PHC2: variants seen among roughly 807,000 people sequenced by gnomAD.
The protein encoded by PHC2 is polyhomeotic-like protein 2.
PHC2 carries 29 observed loss-of-function variants against 87.4 expected under a neutral mutation model. The observed-to-expected ratio is 0.33, with a 90% CI of 0.25 to 0.45. PHC2 has a LOEUF of 0.45. Ranked by LOEUF, PHC2 falls within the 20% of genes least tolerant of loss-of-function variation. PHC2 has a pLI of 1.00. For missense variants in PHC2, 857 were observed against 1,136.7 expected, an observed-to-expected ratio of 0.75 and a Z score of 3.54; for synonymous variants, 438 against 461.7, an observed-to-expected ratio of 0.95 and a Z score of 0.66.
At chr1:33,375,760 TG>T (rs1648144463) in intron 1 of PHC2, among the ~76,000 whole-genome samples, 167 bp from the exon 2 acceptor site, 1 of 152,246 alleles carries the variant, frequency 6.6e-6, no homozygotes, top group Non-Finnish European at 1.5e-5. Context: ...AAACTTTTTT[TG>T]TGTCATTATT....
In PHC2 at chr1:33,369,286, A is replaced by G. The variant is rs565380832; in HGVS notation, c.577-664T>C. On this transcript the variant is annotated intron_variant, in intron 5 of 14. Transcript: ENST00000683057. This position sits in a 1 kb window ranked among gnomAD's most constrained non-coding sequence, Gnocchi z 4.7. ...GACCTCCGTGGGAGTCTAGCTCTGC[A>G]TCAGTGTGGATGTGCTGGTGCCTTG... is the stretch of plus-strand genomic sequence containing the variant. Among the ~76,000 whole-genome samples the G allele has an allele frequency of 6.6e-6, 1 of 152,324 alleles. No individual in the cohort carries two copies. Among genetic ancestry groups the G allele is most frequent in the South Asian group, 2.1e-4 (1 of 4,830 alleles).
At chr1:33,376,379 A>G (rs920244621) in intron 1 of PHC2, among the ~76,000 whole-genome samples, 2 of 152,232 alleles carry the variant, frequency 1.3e-5, no homozygotes, top group Admixed American at 6.5e-5. Context: ...TCAGAAGGAC[A>G]GGGCAGACTT....
intron 1 of PHC2, among the ~76,000 whole-genome samples, chr1:33,389,088 A>G (rs1487538036): frequency 1.3e-5 from 2 of 151,240 alleles, no homozygotes; most frequent in Non-Finnish European, 2.9e-5. Context: ...AAGAAAGAAA[A>G]AAAACCCCCT....
intron 1 of PHC2, among the ~76,000 whole-genome samples, chr1:33,428,933 G>A (rs577031730): frequency 8.1e-4 from 124 of 152,282 alleles, no homozygotes; most frequent in South Asian, 1.9e-3. Context: ...CTCAATCCTG[G>A]ACTACTTGCC....
In PHC2 at chr1:33,349,318, G is replaced by A; in HGVS notation, c.1558+5083C>T. On this transcript the variant is annotated intron_variant, in intron 9 of 14. Transcript: ENST00000683057. This position sits in a 1 kb window ranked among gnomAD's most constrained non-coding sequence, Gnocchi z 4.2. ...GGGAGGCCGGTCCTAGGTTGGGGCT[G>A]GGGTGGGGTGTGCGGGGCCTGGGGA... 1 of 985,070 alleles carries A rather than the reference G, an allele frequency of 1.0e-6. No homozygotes were observed. Among genetic ancestry groups the A allele is most frequent in the Non-Finnish European group, 1.2e-6 (1 of 829,804 alleles). 61.0% of individuals were successfully genotyped at this position (985,070 alleles called of 1,614,324 possible).
intron 1 of PHC2, among the ~76,000 whole-genome samples, chr1:33,392,164 C>T (rs1649088041): frequency 8.6e-6 from 1 of 115,698 alleles, no homozygotes; most frequent in African/African-American, 4.7e-5. Flanking sequence ...TGCACACATA[C>T]GTGCACACAC....
At chr1:33,401,403 C>G (rs1221246484) in intron 1 of PHC2, among the ~76,000 whole-genome samples, 2 of 152,134 alleles carry the variant, frequency 1.3e-5, no homozygotes, top group African/African-American at 4.8e-5. Flanking sequence ...CAGATCACTC[C>G]TAAAGAAGAC....
chr1:33,403,861 T>G (rs1649645236), intron 1 of PHC2, among the ~76,000 whole-genome samples: 2 of 152,220 alleles, frequency 1.3e-5, no homozygotes, highest in Non-Finnish European at 2.9e-5. Flanking sequence ...TGAAACCATA[T>G]TCTCCTGACC....
chr1:33,348,425 T>C (rs987776651), intron 9 of PHC2, among the ~76,000 whole-genome samples: 1 of 152,114 alleles, frequency 6.6e-6, no homozygotes, highest in African/African-American at 2.4e-5. Flanking sequence ...AAATCCCAGG[T>C]GAATGATAAT....
chr1:33,404,026 A>G (rs1258866601), intron 1 of PHC2, among the ~76,000 whole-genome samples: 2 of 152,152 alleles, frequency 1.3e-5, no homozygotes, highest in Non-Finnish European at 2.9e-5. Flanking sequence ...ATTACCATCC[A>G]TACATCAAAG....
At chr1:33,328,044 A>G (rs1432809914) in intron 14 of PHC2, among the ~76,000 whole-genome samples, 1 of 152,224 alleles carries the variant, frequency 6.6e-6, no homozygotes, top group Non-Finnish European at 1.5e-5. Context: ...TGTGCTCTTA[A>G]CCACACTGCA....
At chr1:33,427,181 G>T (rs768006660) in intron 1 of PHC2, among the ~76,000 whole-genome samples, 1 of 152,186 alleles carries the variant, frequency 6.6e-6, no homozygotes, top group Non-Finnish European at 1.5e-5. Context: ...ATAATCTGGT[G>T]CTGGGAAGAT....
chr1:33,348,194 T>G (rs1357583543), intron 9 of PHC2, among the ~76,000 whole-genome samples: 1 of 151,982 alleles, frequency 6.6e-6, no homozygotes, highest in Non-Finnish European at 1.5e-5. Flanking sequence ...GTCAAAACGA[T>G]GGGAAGCCCT....
chr1:33,327,559 A>G (rs1274429657), intron 14 of PHC2, among the ~76,000 whole-genome samples: 2 of 152,156 alleles, frequency 1.3e-5, no homozygotes, highest in Non-Finnish European at 2.9e-5. Flanking sequence ...TGTGTGACCC[A>G]TAAGATATTG....
At chr1:33,371,373 G>T (rs991713691) in intron 3 of PHC2, among the ~76,000 whole-genome samples, 61 of 152,092 alleles carry the variant, frequency 4.0e-4, no homozygotes, top group Admixed American at 3.8e-3. Context: ...CGCCTTCGGT[G>T]TGTGGAGCCC....
Position 33,325,035 on chromosome 1 carries a change from C to CAAAG in PHC2, c.2426-20_2426-17dup. 3.8e-6 allele frequency: 6 copies of CAAAG among 1,596,436 alleles called. No individual in the cohort carries two copies. The highest frequency in any genetic ancestry group is 5.1e-6 in the Non-Finnish European group (6 of 1,168,094). On this transcript the variant is annotated splice_polypyrimidine_tract_variant and intron_variant, in intron 14 of 14. Coordinates refer to ENST00000683057, the MANE Select transcript of PHC2 (RefSeq NM_001385109.1). ...TCCTGGCAGCCTGAGGGGGTACCACCAAAGACAGTGTCAATCCAAGCCGCC... is the reference window on the plus strand; with the variant it reads ...TCCTGGCAGCCTGAGGGGGTACCACCAAAGAAAGACAGTGTCAATCCAAGCCGCC...
rs1646931728 is a variant in PHC2 at position 33,349,898 on chromosome 1, G to A, written c.1558+4503C>T. On this transcript the variant is annotated intron_variant, in intron 9 of 14. Coordinates refer to ENST00000683057, the MANE Select transcript of PHC2 (RefSeq NM_001385109.1). The surrounding 1 kb of genome is among the most constrained non-coding windows in gnomAD (Gnocchi z 4.2). The stretch of plus-strand genomic sequence containing the variant: ...GGGCTGCAGCCGCCGCGGAGACAAT[G>A]CGGCGAGTCTGGGACGGCTCCCGCG... The A allele has an allele frequency of 1.0e-6, 1 of 977,342 alleles. No homozygotes were observed. The highest frequency in any genetic ancestry group is 1.2e-4 in the East Asian group (1 of 8,588). The allele number at this position is 977,342 out of a possible 1,614,324, so 60.5% of individuals were successfully genotyped here. A position where few individuals can be genotyped will look rare whatever the true frequency, so the allele number is the denominator to read the frequency against.
intron 9 of PHC2, among the ~76,000 whole-genome samples, chr1:33,341,623 T>C (rs540710115): frequency 1.3e-5 from 2 of 152,324 alleles, no homozygotes; most frequent in South Asian, 2.1e-4. Flanking sequence ...TTATTTAATA[T>C]CATGTTACCA....
At chr1:33,358,478 A>G (rs1035560366) in intron 7 of PHC2, among the ~76,000 whole-genome samples, 2 of 152,214 alleles carry the variant, frequency 1.3e-5, no homozygotes, top group African/African-American at 4.8e-5. Context: ...AATAAAAACA[A>G]AGATCATGAT....
Sources: allele counts gnomAD v4.1 joint callset (sites outside exome capture counted in the v4.1 genomes callset), GRCh38; gene constraint gnomAD v4.1.1; non-coding constraint Gnocchi (gnomAD v3.1); transcripts MANE v1.5; gene names NCBI Gene and HGNC (gene_info 2026-07-23, HGNC 2026-07-21).